The following MTOR variants were observed in gnomAD, a reference collection of about 807,000 sequenced individuals.
MTOR encodes the protein mechanistic target of rapamycin kinase, also known as serine/threonine-protein kinase mTOR.
In MTOR, 70 loss-of-function variants were observed where a neutral mutation model predicts 319.8. That is an observed-to-expected ratio of 0.22 (90% CI 0.18 to 0.27). The LOEUF (loss-of-function observed/expected upper bound fraction) is 0.27, where lower values mean the gene tolerates loss of function less well. MTOR is among the 10% of genes least tolerant of loss of function. The pLI is 1.00. For missense variants in MTOR, 1,890 were observed against 3,274.4 expected, an observed-to-expected ratio of 0.58 and a Z score of 10.32; for synonymous variants, 1,183 against 1,211.4, an observed-to-expected ratio of 0.98 and a Z score of 0.49.
At position 11,133,930 on chromosome 1, in the gene MTOR, C is replaced by A. The variant is rs563020291; in HGVS notation, c.5246+421G>T. ...TATGCCTGTTCTTTTGTAGAGACCT[C>A]ATTTCTACAAAAAACTAGCCAGTGT... On this transcript the variant is annotated intron_variant, in intron 37 of 57. Transcript: ENST00000361445. This position sits in a 1 kb window ranked among gnomAD's most constrained non-coding sequence, Gnocchi z 4.0. 2.0e-4 allele frequency among the ~76,000 whole-genome samples: 30 copies of A among 152,124 alleles called. No homozygotes were observed. Among genetic ancestry groups the A allele is most frequent in the Non-Finnish European group, 2.9e-4 (20 of 67,986 alleles).
At position 11,108,169 on chromosome 1, in the gene MTOR, A is replaced by G; in HGVS notation, c.7634+12T>C. On this transcript the variant is annotated intron_variant, in intron 57 of 57. Transcript: ENST00000361445. ...CTTATTTTAACAAAGTCACTTTGAG[A>G]GCCCCACTCACCAGCCAATATAGCA... is the stretch of plus-strand genomic sequence containing the variant. The G allele has an allele frequency of 6.2e-7, 1 of 1,607,108 alleles. No individual in the cohort carries two copies. Among genetic ancestry groups the G allele is most frequent in the South Asian group, 1.1e-5 (1 of 90,898 alleles).
rs893828711 is a variant in MTOR, at chr1:11,231,157, C to T, written c.2650-103G>A. The T allele has an allele frequency of 2.3e-4, 373 of 1,590,668 alleles. 2 individuals are homozygous for T. Among genetic ancestry groups the T allele is most frequent in the Non-Finnish European group, 7.4e-5 (86 of 1,163,294 alleles). On this transcript the variant is annotated intron_variant, in intron 17 of 57. Transcript: ENST00000361445. ...AGGTTACATAATCCCCAGTTCATAT[C>T]CAAATGACCAGCTACATGAACAAAA... is the stretch of plus-strand genomic sequence containing the variant.
intron 19 of MTOR, among the ~76,000 whole-genome samples, chr1:11,222,968 T>C (rs1432422168): frequency 6.7e-6 from 1 of 150,012 alleles, no homozygotes; most frequent in Middle Eastern, 3.4e-3. Flanking sequence ...ATGGAAAATA[T>C]CTGTTTACTA....
In MTOR at chr1:11,139,360, C is replaced by A. The variant is rs1476147288; in HGVS notation, c.5074G>T (p.Val1692Phe). The change falls in exon 36 of 58, where the codon GTT becomes TTT. Residue 1692 changes from valine to phenylalanine, a missense_variant. Physicochemically the swap from Val to Phe is conservative, Grantham distance 50. Coordinates refer to ENST00000361445, the MANE Select transcript of MTOR (RefSeq NM_004958.4). ...SRQLDHPLPT[V>F]HPQVTYAYMK... The stretch of plus-strand genomic sequence containing the variant: ...TAGGCATAGGTCACCTGAGGGTGAA[C>A]TGTTGGCAGAGGATGGTCAAGTTGC... The A allele has an allele frequency of 1.2e-6, 2 of 1,613,410 alleles. No individual in the cohort carries two copies. The highest frequency in any genetic ancestry group is 1.7e-6 in the Non-Finnish European group (2 of 1,179,892).
chr1:11,242,388 T>C (rs1306567925), intron 9 of MTOR, among the ~76,000 whole-genome samples: 1 of 150,536 alleles, frequency 6.6e-6, no homozygotes, highest in East Asian at 2.0e-4. Context: ...TAATCCCAGC[T>C]ACTCAGGAGG....
chr1:11,162,324 C>T (rs1235072038), intron 29 of MTOR, among the ~76,000 whole-genome samples: 1 of 152,138 alleles, frequency 6.6e-6, no homozygotes, highest in Admixed American at 6.5e-5. Context: ...CTGAAAGTGA[C>T]GGGGAGTGAA....
At chr1:11,175,575 A>G (rs1276585323) in intron 28 of MTOR, among the ~76,000 whole-genome samples, 1 of 152,216 alleles carries the variant, frequency 6.6e-6, no homozygotes, top group African/African-American at 2.4e-5. Flanking sequence ...CACTATCCAG[A>G]AACCTTGTTC....
At chr1:11,139,020 G>T in intron 36 of MTOR, 2 of 361,570 alleles carry the variant, frequency 5.5e-6, no homozygotes, top group South Asian at 1.3e-4. Flanking sequence ...TTCTCTTAGG[G>T]GTAGAAAGTG....
At chr1:11,257,292 T>G in intron 3 of MTOR, 127 bp from the exon 4 acceptor site, 1 of 791,320 alleles carries the variant, frequency 1.3e-6, no homozygotes, top group East Asian at 2.7e-5. Context: ...TCCTAGCACT[T>G]TGGGAGGCTG....
rs528843144 is a variant in MTOR at position 11,186,868 on chromosome 1, T to C, written c.4253+12390A>G. ...CTCAAAACTGGAGGGGGGGTGAGTA[T>C]TGACATTTGGGTAGCTTATGCAATT... On this transcript the variant is annotated intron_variant, in intron 28 of 57. Coordinates refer to ENST00000361445, the MANE Select transcript of MTOR (RefSeq NM_004958.4). 6.4e-4 allele frequency among the ~76,000 whole-genome samples: 98 copies of C among 152,312 alleles called. 2 individuals are homozygous for C. Among genetic ancestry groups the C allele is most frequent in the African/African-American group, 2.2e-3 (90 of 41,558 alleles).
chr1:11,123,993 G>A (rs1016559797), intron 47 of MTOR, among the ~76,000 whole-genome samples: 18 of 152,176 alleles, frequency 1.2e-4, no homozygotes, highest in African/African-American at 3.9e-4. Context: ...TCACCATGTT[G>A]GCCAGGCTGG....
At chr1:11,230,806 C>T (rs1569692487) in intron 18 of MTOR, 119 bp downstream of exon 18, 5 of 1,372,380 alleles carry the variant, frequency 3.6e-6, no homozygotes, top group Non-Finnish European at 3.0e-6. Flanking sequence ...TCAAAAGTTG[C>T]TACACGAGCC....
At chr1:11,192,034 G>A (rs896459391) in intron 28 of MTOR, among the ~76,000 whole-genome samples, 6 of 152,066 alleles carry the variant, frequency 3.9e-5, no homozygotes, top group South Asian at 2.1e-4. Flanking sequence ...CTGTTGGAAC[G>A]TCCCACTAAT....
chr1:11,222,192 TA>T (rs979534425), intron 19 of MTOR, among the ~76,000 whole-genome samples: 5 of 151,716 alleles, frequency 3.3e-5, no homozygotes, highest in African/African-American at 7.3e-5. Flanking sequence ...AAAATTTATT[TA>T]AAAAAAATTT....
intron 15 of MTOR, 60 bp downstream of exon 15, chr1:11,233,338 T>C: frequency 6.8e-7 from 1 of 1,480,620 alleles, no homozygotes; most frequent in African/African-American, 1.4e-5. Context: ...TTTGACTTCC[T>C]TAGAGGTTAG....
At chr1:11,230,121 T>TAA (rs35067541) in intron 18 of MTOR, among the ~76,000 whole-genome samples, 1 of 144,782 alleles carries the variant, frequency 6.9e-6, no homozygotes, top group African/African-American at 2.6e-5. Flanking sequence ...AACAAACCTT[T>TAA]AAAAAAAAAA....
At chr1:11,226,816 A>T (rs892331847) in intron 19 of MTOR, among the ~76,000 whole-genome samples, 1 of 152,006 alleles carries the variant, frequency 6.6e-6, no homozygotes, top group Non-Finnish European at 1.5e-5. Flanking sequence ...AGGTCTTATG[A>T]CTTTTTTAGT....
At position 11,199,602 on chromosome 1, in the gene MTOR, T is replaced by C. The variant is rs2100746297; in HGVS notation, c.4046A>G (p.Asp1349Gly). Reference protein sequence around the residue: ...RSIELALTSQDIAEVTQTLLN... With the variant: ...RSIELALTSQGIAEVTQTLLN... The stretch of plus-strand genomic sequence containing the variant: ...GAGGGTCTGTGTGACTTCAGCGATG[T>C]CTTGTGAGGTGAGGGCCAACTCGAT... Residue 1349 changes from aspartate to glycine, a missense_variant, in exon 27 of 58, where the codon GAC becomes GGC. Asp to Gly is a moderately conservative substitution (Grantham distance 94, BLOSUM62 -1). Coordinates refer to ENST00000361445, the MANE Select transcript of MTOR (RefSeq NM_004958.4). This position sits in a 1 kb window ranked among gnomAD's most constrained non-coding sequence, Gnocchi z 4.5. 1 of 1,614,212 alleles carries C rather than the reference T, an allele frequency of 6.2e-7. No homozygotes were observed. Among genetic ancestry groups the C allele is most frequent in the Non-Finnish European group, 8.5e-7 (1 of 1,180,028 alleles).
intron 9 of MTOR, among the ~76,000 whole-genome samples, chr1:11,242,500 CAA>C (rs70977555): frequency 2.7e-4 from 14 of 52,630 alleles, no homozygotes; most frequent in Admixed American, 1.7e-3. Context: ...GACTCCATCT[CAA>C]AAAAAAAAAA....
Sources: allele counts gnomAD v4.1 joint callset (sites outside exome capture counted in the v4.1 genomes callset), GRCh38; gene constraint gnomAD v4.1.1; non-coding constraint Gnocchi (gnomAD v3.1); transcripts MANE v1.5; gene names NCBI Gene and HGNC (gene_info 2026-07-23, HGNC 2026-07-21).